ZDBF2: variants seen among roughly 807,000 people sequenced by gnomAD.
ZDBF2 encodes the protein zinc finger DBF-type containing 2, also known as DBF4-type zinc finger-containing protein 2.
In ZDBF2, 6 loss-of-function variants were observed where a neutral mutation model predicts 9.4. The observed-to-expected ratio is 0.64, with a 90% CI of 0.35 to 1.27. The LOEUF is 1.27. ZDBF2 is among the 50% of genes most tolerant of loss of function. ZDBF2 has a pLI of 0.03. For synonymous variants in ZDBF2, 905 were observed against 946.3 expected, an observed-to-expected ratio of 0.96 and a Z score of 0.80; for missense variants, 2,697 against 2,766.8, an observed-to-expected ratio of 0.97 and a Z score of 0.57.
In ZDBF2 at chr2:206,310,907, C is replaced by T; in HGVS notation, c.6379C>T (p.Leu2127=). Residue 2127 remains leucine, a synonymous_variant, in exon 5 of 5, where the codon CTG becomes TTG. Transcript: ENST00000374423. ...NSHQGTSDSS[L]FLEESKVLHA... is the part of the protein sequence containing the mutation. The stretch of plus-strand genomic sequence containing the variant: ...ACATCAGGGAACCAGTGACTCTTCT[C>T]TGTTTCTGGAAGAATCAAAGGTTCT... 1 of 1,613,896 alleles carries T rather than the reference C, an allele frequency of 6.2e-7. No homozygotes were observed. The highest frequency in any genetic ancestry group is 8.5e-7 in the Non-Finnish European group (1 of 1,179,866).
intron 4 of ZDBF2, among the ~76,000 whole-genome samples, chr2:206,299,597 C>T (rs930087239): frequency 2.0e-5 from 3 of 151,854 alleles, no homozygotes; most frequent in Non-Finnish European, 2.9e-5. Context: ...CCTTGAACTG[C>T]ACTCCAGCCT....
chr2:206,277,319 A>T (rs1691068176), intron 1 of ZDBF2, among the ~76,000 whole-genome samples: 2 of 151,862 alleles, frequency 1.3e-5, no homozygotes, highest in African/African-American at 2.4e-5. Flanking sequence ...TTTAAAAAAA[A>T]AAAAACCAAA....
In ZDBF2 at chr2:206,309,046, T is replaced by A; in HGVS notation, c.4518T>A (p.Phe1506Leu). 1 of 1,613,880 alleles carries A rather than the reference T, an allele frequency of 6.2e-7. No individual in the cohort carries two copies. The highest frequency in any genetic ancestry group is 8.5e-7 in the Non-Finnish European group (1 of 1,179,860). The change falls in exon 5 of 5, where the codon TTT becomes TTA. Residue 1506 changes from phenylalanine (F) to leucine (L), a missense_variant. By Grantham distance (22) the Phe-to-Leu change is conservative. Transcript: ENST00000374423. ...SEMMYDSDVP[F>L]QIVVNQFPGS... ...TGATGTATGATTCTGATGTTCCTTT[T>A]CAAATAGTAGTTAACCAATTTCCAG... is the stretch of plus-strand genomic sequence containing the variant.
intron 3 of ZDBF2, among the ~76,000 whole-genome samples, chr2:206,285,838 AG>A (rs1391313616): frequency 6.6e-6 from 1 of 152,174 alleles, no homozygotes; most frequent in Non-Finnish European, 1.5e-5. Flanking sequence ...GGTGAGAGAT[AG>A]GGGTCTAGTT....
chr2:206,297,455 T>C (rs1692250425), intron 4 of ZDBF2, 82 bp downstream of exon 4: 2 of 1,245,788 alleles, frequency 1.6e-6, no homozygotes, highest in Middle Eastern at 2.0e-4. Context: ...ATCAATACTT[T>C]AAGTGAATCT....
At position 206,305,209 on chromosome 2, in the gene ZDBF2, T is replaced by C; in HGVS notation, c.681T>C (p.Tyr227=). Reference sequence around the variant, plus strand: ...GTGACCCAAACAAAGTTGAGAAATATCTTGAACAGCCAGATGGGGCCTCTA... The same window carrying C: ...GTGACCCAAACAAAGTTGAGAAATACCTTGAACAGCCAGATGGGGCCTCTA... ...SKCDPNKVEK[Y]LEQPDGASRN... is the part of the protein sequence containing the mutation. Residue 227 remains tyrosine, a synonymous_variant, in exon 5 of 5, where the codon TAT becomes TAC. Coordinates refer to ENST00000374423, the MANE Select transcript of ZDBF2 (RefSeq NM_020923.3). 6.2e-7 allele frequency: 1 copy of C among 1,613,824 alleles called. No individual in the cohort carries two copies.
intron 3 of ZDBF2, among the ~76,000 whole-genome samples, chr2:206,293,746 G>T (rs1692020386): frequency 6.6e-6 from 1 of 152,188 alleles, no homozygotes; most frequent in Admixed American, 6.5e-5. Flanking sequence ...AAATTAAAGA[G>T]ACTGACAATA....
At position 206,281,909 on chromosome 2, in the gene ZDBF2, G is replaced by A. The variant is rs1346261797; in HGVS notation, c.60G>A (p.Gln20=). The A allele has an allele frequency of 6.2e-7, 1 of 1,611,594 alleles. No individual in the cohort carries two copies. Among genetic ancestry groups the A allele is most frequent in the Non-Finnish European group, 8.5e-7 (1 of 1,178,874 alleles). ...GTGTGCAGTATAATAACCTGGAACA[G>A]GTGAGCGGTTTCTATTAATATGATA... is the stretch of plus-strand genomic sequence containing the variant. ...YCRVQYNNLE[Q]HLFSAQHRSL... Residue 20 remains glutamine, a splice_region_variant and synonymous_variant, in exon 3 of 5, where the codon CAG becomes CAA. Transcript: ENST00000374423.
At chr2:206,304,674 A>T in intron 4 of ZDBF2, 43 bp from the exon 5 acceptor site, 15 of 1,542,606 alleles carry the variant, frequency 9.7e-6, no homozygotes, top group African/African-American at 1.4e-5. Flanking sequence ...TATTTTAAAC[A>T]GACATTAGAA....
chr2:206,311,433 CAAG>C lies in ZDBF2; in HGVS notation c.6909_6911del (p.Arg2305del), dbSNP rs776453897. On this transcript the variant is annotated inframe_deletion, in exon 5 of 5. Coordinates refer to ENST00000374423, the MANE Select transcript of ZDBF2 (RefSeq NM_020923.3). Reference sequence around the variant, plus strand: ...CCTGTGCGGGCTTCTTGCCGCGTTGCAAGAAGGAGGAAGAAGACTGATGAAAGC... The same window carrying C: ...CCTGTGCGGGCTTCTTGCCGCGTTGCAAGGAGGAAGAAGACTGATGAAAGC... 8.4e-5 allele frequency: 136 copies of C among 1,611,494 alleles called. No individual in the cohort carries two copies. Among genetic ancestry groups the C allele is most frequent in the East Asian group, 1.8e-4 (8 of 44,870 alleles).
intron 1 of ZDBF2, among the ~76,000 whole-genome samples, chr2:206,279,086 A>G (rs935434686): frequency 1.3e-5 from 2 of 152,228 alleles, no homozygotes; most frequent in South Asian, 4.1e-4. Context: ...ATGCGGAGGA[A>G]TAAAAAACAT....
intron 3 of ZDBF2, among the ~76,000 whole-genome samples, chr2:206,290,549 G>T (rs182416427): frequency 6.6e-6 from 1 of 152,252 alleles, no homozygotes; most frequent in East Asian, 1.9e-4. Flanking sequence ...TTTTCAATGT[G>T]CAAGTTTCAC....
chr2:206,313,383 C>T lies in ZDBF2; in HGVS notation c.*1790C>T, dbSNP rs1421403371. On this transcript the variant is annotated 3_prime_UTR_variant, in exon 5 of 5. Transcript: ENST00000374423. ...TATCTCATTTCCTTCAACCTTGCCT[C>T]CTCATACACAAATATATTTTCATTT... 1 of 152,124 alleles carries T rather than the reference C, an allele frequency of 6.6e-6. No homozygotes were observed. The highest frequency in any genetic ancestry group is 1.5e-5 in the Non-Finnish European group (1 of 68,010). The allele number at this position is 152,124 out of a possible 1,614,324, so 9.4% of individuals were successfully genotyped here. A position where few individuals can be genotyped will look rare whatever the true frequency, so the allele number is the denominator to read the frequency against.
chr2:206,283,125 A>G (rs1428231110), intron 3 of ZDBF2, among the ~76,000 whole-genome samples: 1 of 152,192 alleles, frequency 6.6e-6, no homozygotes, highest in Non-Finnish European at 1.5e-5. Context: ...ATTTATGGAT[A>G]TTTGGGTTGT....
At chr2:206,285,974 T>C (rs1254941609) in intron 3 of ZDBF2, among the ~76,000 whole-genome samples, 1 of 152,244 alleles carries the variant, frequency 6.6e-6, no homozygotes, top group Non-Finnish European at 1.5e-5. Flanking sequence ...CATAGATTTA[T>C]TTCTGGGTTT....
chr2:206,289,023 A>G (rs1239764784), intron 3 of ZDBF2, among the ~76,000 whole-genome samples: 1 of 152,144 alleles, frequency 6.6e-6, no homozygotes, highest in Non-Finnish European at 1.5e-5. Context: ...TCAGCAGCTC[A>G]GACTCTAGGG....
In ZDBF2 at chr2:206,314,236, T is replaced by C. The variant is rs1429257509; in HGVS notation, c.*2643T>C. The stretch of plus-strand genomic sequence containing the variant: ...TTTTTGCATTTGTGCATTTAAATTA[T>C]TTATGTAACTAGGGCTGTGAGTAAC... On this transcript the variant is annotated 3_prime_UTR_variant, in exon 5 of 5. Transcript: ENST00000374423. 1 of 151,636 alleles carries C rather than the reference T, an allele frequency of 6.6e-6. No individual in the cohort carries two copies. Among genetic ancestry groups the C allele is most frequent in the Non-Finnish European group, 1.5e-5 (1 of 67,930 alleles). The allele number at this position is 151,636 out of a possible 1,614,324, so 9.4% of individuals were successfully genotyped here.
chr2:206,279,707 C>A (rs1315035736), intron 2 of ZDBF2, 115 bp downstream of exon 2: 1 of 152,062 alleles, frequency 6.6e-6, no homozygotes, highest in African/African-American at 2.4e-5. Context: ...AAGAAATGAT[C>A]CCTTTAATAA....
intron 1 of ZDBF2, among the ~76,000 whole-genome samples, chr2:206,277,283 G>A (rs749486148): frequency 3.3e-5 from 5 of 151,054 alleles, no homozygotes; most frequent in Non-Finnish European, 7.4e-5. Context: ...AGCTGGTGCA[G>A]ATCTCAGGTG....
Sources: allele counts gnomAD v4.1 joint callset (sites outside exome capture counted in the v4.1 genomes callset), GRCh38; gene constraint gnomAD v4.1.1; transcripts MANE v1.5; gene names NCBI Gene and HGNC (gene_info 2026-07-23, HGNC 2026-07-21).